Variants in AKAP17A observed in about 807,000 individuals in gnomAD.
AKAP17A encodes the protein A-kinase anchoring protein 17A.
A neutral mutation model predicts 52.2 loss-of-function variants in AKAP17A; 15 were observed. That is an observed-to-expected ratio of 0.29 (90% confidence interval 0.19 to 0.44). The LOEUF is 0.44. Among genes scored for constraint, AKAP17A ranks in the 20% least tolerant of loss-of-function variants. The pLI, the probability that AKAP17A is intolerant of heterozygous loss-of-function variation, is 1.00. For synonymous variants in AKAP17A, 514 were observed against 424.7 expected (o/e 1.21, Z -2.58); for missense variants, 1,060 against 1,007.0 (o/e 1.05, Z -0.71).
chrX:1,599,853 G>C (rs1267936576), intron 4 of AKAP17A: 2 of 592,570 alleles, frequency 3.4e-6, no homozygotes, highest in Non-Finnish European at 6.0e-6. Context: ...GCTGGGGGGA[G>C]GGCTGAGCGC....
In AKAP17A at chrX:1,591,709, G is replaced by C. The variant is rs1290746743; in HGVS notation, c.-80G>C. 6.6e-6 allele frequency: 1 copy of C among 151,924 alleles called. No individual in the cohort carries two copies. The highest frequency in any genetic ancestry group is 1.5e-5 in the Non-Finnish European group (1 of 67,966). 9.4% of individuals were successfully genotyped at this position (151,924 alleles called of 1,614,324 possible). On this transcript the variant is annotated 5_prime_UTR_variant, in exon 1 of 5. Transcript: ENST00000313871. ...CGCGCCTGTCCGGGGATCGTCGAGG[G>C]ACGGCGGGAGCTTGGGCCAGCGGCG...
In AKAP17A at chrX:1,599,412, G is replaced by A. The variant is rs768019796; in HGVS notation, c.1132G>A (p.Glu378Lys). Residue 378 changes from glutamate to lysine, a missense_variant, in exon 4 of 5, where the codon GAG becomes AAG. Transcript: ENST00000313871. ...RNLQSIRLIA[E>K]LLSRAKAVKL... The stretch of plus-strand genomic sequence containing the variant: ...CCTGCAGTCCATCCGGCTCATCGCC[G>A]AGCTGCTCAGCAGAGCCAAGGTACC... 31 of 1,566,158 alleles carry A rather than the reference G, an allele frequency of 2.0e-5. No individual in the cohort carries two copies. The highest frequency in any genetic ancestry group is 1.1e-4 in the African/African-American group (8 of 73,784).
At chrX:1,596,777 CT>C (rs1933012187) in intron 3 of AKAP17A, among the ~76,000 whole-genome samples, 1 of 78,512 alleles carries the variant, frequency 1.3e-5, no homozygotes. Context: ...TCCTCCTCCT[CT>C]TCCTCCTCCA....
chrX:1,598,976 G>A (rs1477098894), intron 3 of AKAP17A, among the ~76,000 whole-genome samples: 5 of 152,196 alleles, frequency 3.3e-5, no homozygotes, highest in Non-Finnish European at 7.3e-5. Context: ...CACTTAGCAG[G>A]ACGGTGTGTT....
At chrX:1,596,248 A>C (rs1276546197) in intron 3 of AKAP17A, among the ~76,000 whole-genome samples, 13 of 151,924 alleles carry the variant, frequency 8.6e-5, no homozygotes, top group Non-Finnish European at 8.8e-5. Flanking sequence ...AAAAAACAAA[A>C]AACCAATGAT....
chrX:1,599,428 C>G lies in AKAP17A; in HGVS notation c.1148C>G (p.Ala383Gly). 1.3e-6 allele frequency: 2 copies of G among 1,561,234 alleles called. No individual in the cohort carries two copies. Among genetic ancestry groups the G allele is most frequent in the Non-Finnish European group, 1.7e-6 (2 of 1,153,820 alleles). The change falls in exon 4 of 5, where the codon GCC becomes GGC. Residue 383 changes from alanine to glycine, a missense_variant. By Grantham distance (60) the Ala-to-Gly change is moderately conservative. This residue lies in a region of AKAP17A where 793 missense variants were observed against 629.9 expected (regional missense o/e 1.26). Coordinates refer to ENST00000313871, the MANE Select transcript of AKAP17A (RefSeq NM_005088.3). ...IRLIAELLSRAKAVKLREQEQ... is the reference protein window; with the variant it reads ...IRLIAELLSRGKAVKLREQEQ... ...CTCATCGCCGAGCTGCTCAGCAGAG[C>G]CAAGGTACCCGGGGGCTCCCTCTGC...
chrX:1,598,387 T>C (rs1406955857), intron 3 of AKAP17A, among the ~76,000 whole-genome samples: 1 of 152,120 alleles, frequency 6.6e-6, no homozygotes, highest in Non-Finnish European at 1.5e-5. Context: ...CCCCTTGGTG[T>C]CTGCGTGGGT....
chrX:1,598,783 G>A (rs775125033), intron 3 of AKAP17A, among the ~76,000 whole-genome samples: 43 of 152,322 alleles, frequency 2.8e-4, no homozygotes, highest in African/African-American at 7.2e-4. Flanking sequence ...GTCACCCAGC[G>A]CGGTTCCTGG....
intron 1 of AKAP17A, among the ~76,000 whole-genome samples, chrX:1,592,171 C>G (rs1169689741): frequency 6.6e-6 from 1 of 151,268 alleles, no homozygotes; most frequent in Non-Finnish European, 1.5e-5. Flanking sequence ...AAGCAAGGGG[C>G]TGTCCGGGGT....
intron 3 of AKAP17A, among the ~76,000 whole-genome samples, chrX:1,598,213 A>C (rs1225894539): frequency 2.0e-5 from 3 of 149,410 alleles, no homozygotes; most frequent in Non-Finnish European, 4.4e-5. Context: ...CAGGGCGGTT[A>C]AACCTTCAGC....
In AKAP17A at chrX:1,600,905, G is replaced by A. The variant is rs749848535; in HGVS notation, c.1399G>A (p.Val467Ile). ...GGCACACGCCGACCTGCTGCAGCCC[G>A]TCCTGGACATCCTGCAGACCGTGTC... ...GVAHADLLQP[V>I]LDILQTVSSG... Residue 467 changes from valine (V) to isoleucine (I), a missense_variant, in exon 5 of 5, where the codon GTC (valine) becomes ATC (isoleucine). This residue lies in a region of AKAP17A where 793 missense variants were observed against 629.9 expected (regional missense o/e 1.26). Transcript: ENST00000313871. 15 of 1,575,856 alleles carry A rather than the reference G, an allele frequency of 9.5e-6. No homozygotes were observed. Among genetic ancestry groups the A allele is most frequent in the African/African-American group, 2.7e-5 (2 of 74,360 alleles).
intron 3 of AKAP17A, among the ~76,000 whole-genome samples, chrX:1,595,964 A>C (rs112074038): frequency 6.6e-6 from 1 of 152,100 alleles, no homozygotes; most frequent in African/African-American, 2.4e-5. Context: ...TCAGCTGTGC[A>C]CGTGAGGACC....
In AKAP17A at chrX:1,598,906, C is replaced by T. The variant is rs187206444; in HGVS notation, c.912-286C>T. Among the ~76,000 whole-genome samples, 4 of 152,274 alleles carry T rather than the reference C, an allele frequency of 2.6e-5. No individual in the cohort carries two copies. The East Asian group carries it at 7.7e-4, about 29-fold the overall frequency. On this transcript the variant is annotated intron_variant, in intron 3 of 4. Coordinates refer to ENST00000313871, the MANE Select transcript of AKAP17A (RefSeq NM_005088.3). ...CATCCGTCTTTCCCCTGACTGGGGG[C>T]GTGGCTTTTGATGTGGTCGGTCCAG... is the stretch of plus-strand genomic sequence containing the variant.
rs5989846 is a variant in AKAP17A, at chrX:1,598,654, C to G, written c.912-538C>G. Reference sequence around the variant, plus strand: ...ATTCATCCTCACTTCCTGGACACCCCTCTCCACAGGAAAAGTGCAAGGAGC... The same window carrying G: ...ATTCATCCTCACTTCCTGGACACCCGTCTCCACAGGAAAAGTGCAAGGAGC... On this transcript the variant is annotated intron_variant, in intron 3 of 4. Coordinates refer to ENST00000313871, the MANE Select transcript of AKAP17A (RefSeq NM_005088.3). Among the ~76,000 whole-genome samples, 742 of 152,274 alleles carry G rather than the reference C, an allele frequency of 4.9e-3. 8 individuals carry two copies. Among genetic ancestry groups the G allele is most frequent in the South Asian group, 0.041 (198 of 4,824 alleles).
At chrX:1,596,236 A>AAAC (rs1932971290) in intron 3 of AKAP17A, among the ~76,000 whole-genome samples, 1 of 142,556 alleles carries the variant, frequency 7.0e-6, no homozygotes, top group African/African-American at 3.0e-5. Flanking sequence ...TAAAAAAAAA[A>AAAC]AAAAAAACAA....
In AKAP17A at chrX:1,601,002, G is replaced by A. The variant is rs201465658; in HGVS notation, c.1496G>A (p.Ser499Asn). 1.4e-4 allele frequency: 220 copies of A among 1,605,510 alleles called. No individual in the cohort carries two copies. The South Asian group carries it at 1.7e-3, about 12-fold the overall frequency. The part of the protein sequence containing the change: ...GQPPAGAPKE[S>N]PAHPEADGAP... ...CCCCCGGCCGGTGCCCCCAAGGAGA[G>A]CCCGGCCCACCCAGAGGCCGACGGC... The change falls in exon 5 of 5, where the codon AGC (serine) becomes AAC (asparagine). Residue 499 changes from serine (S) to asparagine (N), a missense_variant. Physicochemically the swap from Ser to Asn is conservative, Grantham distance 46. Coordinates refer to ENST00000313871, the MANE Select transcript of AKAP17A (RefSeq NM_005088.3).
At position 1,595,445 on chromosome X, in the gene AKAP17A, G is replaced by A; in HGVS notation, c.824G>A (p.Arg275Lys). The A allele has an allele frequency of 6.2e-7, 1 of 1,614,016 alleles. No individual in the cohort carries two copies. The highest frequency in any genetic ancestry group is 8.5e-7 in the Non-Finnish European group (1 of 1,179,882). Reference protein sequence around the residue: ...DASIKKRQLERQKLQELEQQR... With the variant: ...DASIKKRQLEKQKLQELEQQR... ...TCAATTAAGAAGCGGCAGCTGGAGAGGCAGAAGCTTCAGGAACTGGAGCAG... is the reference window on the plus strand; with the variant it reads ...TCAATTAAGAAGCGGCAGCTGGAGAAGCAGAAGCTTCAGGAACTGGAGCAG... The change falls in exon 3 of 5, where the codon AGG becomes AAG. Residue 275 changes from arginine (R) to lysine (K), a missense_variant. Physicochemically the swap from Arg to Lys is conservative, Grantham distance 26 (BLOSUM62 2). Transcript: ENST00000313871.
intron 2 of AKAP17A, 103 bp from the exon 3 acceptor site, chrX:1,595,281 A>G (rs1932924462): frequency 3.3e-6 from 5 of 1,511,928 alleles, no homozygotes; most frequent in South Asian, 1.2e-5. Context: ...GCGGGCGCTC[A>G]GGCTCTGAGG....
intron 3 of AKAP17A, among the ~76,000 whole-genome samples, chrX:1,596,226 T>TAAAA (rs561491812): frequency 6.0e-5 from 8 of 133,968 alleles, no homozygotes; most frequent in East Asian, 2.1e-4. Context: ...TGGCCAGATT[T>TAAAA]AAAAAAAAAA....
Sources: allele counts gnomAD v4.1 joint callset (sites outside exome capture counted in the v4.1 genomes callset), GRCh38; gene constraint gnomAD v4.1.1; regional missense constraint gnomAD v4.1.1; transcripts MANE v1.5; gene names NCBI Gene and HGNC (gene_info 2026-07-23, HGNC 2026-07-21).